TARBP1: variants seen among roughly 807,000 people sequenced by gnomAD.
The protein encoded by TARBP1 is tRNA guanosine 2 -O-methyltransferase TARBP1, also known as tRNA (guanosine(18)-2'-O)-methyltransferase TARBP1.
TARBP1 carries 144 observed loss-of-function variants against 178.6 expected under a neutral mutation model. The observed-to-expected ratio is 0.81, with a 90% CI of 0.70 to 0.93. The LOEUF (loss-of-function observed/expected upper bound fraction) is 0.93. TARBP1 is among the 40% of genes least tolerant of loss of function. TARBP1 has a pLI of 0.00. For synonymous variants in TARBP1, 787 were observed against 781.0 expected (o/e 1.01, Z -0.13); for missense variants, 2,067 against 2,011.7 (o/e 1.03, Z -0.53).
In TARBP1 at chr1:234,479,133, C is replaced by G; in HGVS notation, c.-30G>C. 2 of 1,503,450 alleles carry G rather than the reference C, an allele frequency of 1.3e-6. No individual in the cohort carries two copies. Among genetic ancestry groups the G allele is most frequent in the Non-Finnish European group, 1.8e-6 (2 of 1,139,978 alleles). 93.1% of individuals were successfully genotyped at this position (1,503,450 alleles called of 1,614,324 possible). Reference sequence around the variant, plus strand: ...CGAGCGCCCGCGCCACCGGCCCGGGCTCCCAAAGGAAGGCGCCGGCGTGTG... The same window carrying G: ...CGAGCGCCCGCGCCACCGGCCCGGGGTCCCAAAGGAAGGCGCCGGCGTGTG... On this transcript the variant is annotated 5_prime_UTR_variant, in exon 1 of 30. Transcript: ENST00000040877.
chr1:234,478,147 A>T, intron 1 of TARBP1, 26 bp downstream of exon 1: 2 of 1,604,368 alleles, frequency 1.2e-6, no homozygotes, highest in Non-Finnish European at 1.7e-6. Flanking sequence ...AGGTAGCACT[A>T]GGCTGGGGGG....
intron 19 of TARBP1, 43 bp downstream of exon 19, chr1:234,427,274 G>A (rs376920473): frequency 7.3e-7 from 1 of 1,372,064 alleles, no homozygotes; most frequent in African/African-American, 1.5e-5. Flanking sequence ...TAAATTTTTA[G>A]TATCTCATTT....
chr1:234,425,500 G>A (rs993943898), intron 20 of TARBP1, among the ~76,000 whole-genome samples, 173 bp downstream of exon 20: 15 of 152,214 alleles, frequency 9.9e-5, no homozygotes, highest in Admixed American at 8.5e-4. Flanking sequence ...GATTACAGGC[G>A]TGAGCCACAG....
chr1:234,455,035 G>A (rs2103241118), intron 9 of TARBP1, among the ~76,000 whole-genome samples: 1 of 152,304 alleles, frequency 6.6e-6, no homozygotes, highest in African/African-American at 2.4e-5. Context: ...TGAAGATGGA[G>A]AAAGGACCAT....
At chr1:234,477,304 T>C (rs544470) in intron 1 of TARBP1, among the ~76,000 whole-genome samples, 99,688 of 152,220 alleles carry the variant, frequency 0.65, 34,253 homozygotes, top group East Asian at 0.92. Flanking sequence ...TGATCACACC[T>C]ATCTGTGGAC....
intron 25 of TARBP1, chr1:234,400,943 C>T (rs1314512757): frequency 8.7e-6 from 3 of 344,958 alleles, no homozygotes; most frequent in Non-Finnish European, 1.6e-5. Context: ...ACAAGCCAGA[C>T]ACTGCCTGAG....
chr1:234,464,166 T>C (rs1028563364), intron 5 of TARBP1, among the ~76,000 whole-genome samples: 2 of 152,222 alleles, frequency 1.3e-5, no homozygotes, highest in South Asian at 2.1e-4. Context: ...CCTACTTTAC[T>C]AAGGATTTCC....
chr1:234,464,398 A>C (rs1479792718), intron 5 of TARBP1, among the ~76,000 whole-genome samples: 2 of 152,184 alleles, frequency 1.3e-5, no homozygotes, highest in Non-Finnish European at 2.9e-5. Flanking sequence ...ACATCTACTA[A>C]AGTCACATTT....
chr1:234,447,324 T>A, intron 11 of TARBP1, among the ~76,000 whole-genome samples: 1 of 84,644 alleles, frequency 1.2e-5, no homozygotes, highest in African/African-American at 4.9e-5. Context: ...GTCAAGGAAC[T>A]AGAACATGTT....
At chr1:234,477,509 C>T (rs990478974) in intron 1 of TARBP1, among the ~76,000 whole-genome samples, 1 of 152,198 alleles carries the variant, frequency 6.6e-6, no homozygotes, top group Non-Finnish European at 1.5e-5. Context: ...TGAGTGAAGT[C>T]AAACCAATCA....
Position 234,460,332 on chromosome 1 carries a change from C to T in TARBP1, c.1464G>A (p.Leu488=). 5.6e-6 allele frequency: 9 copies of T among 1,614,148 alleles called. No individual in the cohort carries two copies. Among genetic ancestry groups the T allele is most frequent in the Non-Finnish European group, 7.6e-6 (9 of 1,180,022 alleles). The change falls in exon 7 of 30, where the codon TTG becomes TTA. Residue 488 remains leucine, a synonymous_variant. Transcript: ENST00000040877. ...CATTTGCCAAAGCCTTAGATAGAAACAAAATGGGAACAGCACACCAATGCC... is the reference window on the plus strand; with the variant it reads ...CATTTGCCAAAGCCTTAGATAGAAATAAAATGGGAACAGCACACCAATGCC... ...TSRHWCAVPI[L]FLSKALANVP...
intron 23 of TARBP1, among the ~76,000 whole-genome samples, chr1:234,409,493 TGCCAGA>T (rs1044632354): frequency 2.0e-5 from 3 of 152,234 alleles, no homozygotes; most frequent in Non-Finnish European, 4.4e-5. Context: ...TCTTATCTGA[TGCCAGA>T]GCCTTCTTGA....
At chr1:234,399,896 GA>G (rs1660508143) in intron 25 of TARBP1, among the ~76,000 whole-genome samples, 1 of 117,948 alleles carries the variant, frequency 8.5e-6, no homozygotes, top group Non-Finnish European at 1.7e-5. Flanking sequence ...GGGGTGGGGG[GA>G]GGGGGGGAGG....
chr1:234,462,702 A>G (rs1266584891), intron 6 of TARBP1, among the ~76,000 whole-genome samples: 1 of 151,534 alleles, frequency 6.6e-6, no homozygotes, highest in Non-Finnish European at 1.5e-5. Context: ...AAAAAAAAAA[A>G]AAAAGAATGA....
intron 1 of TARBP1, among the ~76,000 whole-genome samples, chr1:234,476,028 A>G (rs879312160): frequency 2.0e-5 from 3 of 152,206 alleles, no homozygotes; most frequent in Non-Finnish European, 4.4e-5. Flanking sequence ...GTAAGACATA[A>G]AAAAAAGCGA....
chr1:234,453,325 G>GTT (rs1174777942), intron 9 of TARBP1, among the ~76,000 whole-genome samples: 1 of 110,264 alleles, frequency 9.1e-6, no homozygotes, highest in African/African-American at 4.3e-5. Flanking sequence ...TACTTTTTTT[G>GTT]TGTGTTTTTT....
Position 234,478,999 on chromosome 1 carries a change from C to A in TARBP1, c.105G>T (p.Thr35=). 1 of 1,503,144 alleles carries A rather than the reference C, an allele frequency of 6.7e-7. No homozygotes were observed. Among genetic ancestry groups the A allele is most frequent in the Non-Finnish European group, 8.8e-7 (1 of 1,137,100 alleles). 93.1% of individuals were successfully genotyped at this position (1,503,144 alleles called of 1,614,324 possible). A position where few individuals can be genotyped will look rare whatever the true frequency, so the allele number is the denominator to read the frequency against. Residue 35 remains threonine (T), a synonymous_variant, in exon 1 of 30, where the codon ACG becomes ACT. Transcript: ENST00000040877. ...QGEASAERVE[T]LRFLLQRLED... The stretch of plus-strand genomic sequence containing the variant: ...CGAGCCGCTGCAGAAGGAAGCGCAG[C>A]GTCTCCACGCGCTCCGCGGATGCCT...
chr1:234,420,305 T>C (rs577457563), intron 21 of TARBP1, among the ~76,000 whole-genome samples: 2 of 152,342 alleles, frequency 1.3e-5, no homozygotes, highest in East Asian at 1.9e-4. Flanking sequence ...TCCCAAATGA[T>C]ACAATTTGCC....
chr1:234,398,161 CT>C (rs35248474), intron 26 of TARBP1: 19,567 of 257,840 alleles, frequency 0.076, 8 homozygotes, highest in Middle Eastern at 0.11. Flanking sequence ...CTTCCTTTGG[CT>C]TTTTTTTTTT....
Sources: allele counts gnomAD v4.1 joint callset (sites outside exome capture counted in the v4.1 genomes callset), GRCh38; gene constraint gnomAD v4.1.1; transcripts MANE v1.5; gene names NCBI Gene and HGNC (gene_info 2026-07-23, HGNC 2026-07-21).